Variants in KIF7 observed in about 807,000 individuals in gnomAD.
KIF7 encodes kinesin family member 7, also known as kinesin-like protein KIF7.
In KIF7, 104 loss-of-function variants were observed where a neutral mutation model predicts 135.7. The observed-to-expected ratio is 0.77, with a 90% CI of 0.65 to 0.90. The LOEUF (loss-of-function observed/expected upper bound fraction) is 0.90, where lower values mean the gene tolerates loss of function less well. Ranked by LOEUF, KIF7 falls within the 40% of genes least tolerant of loss-of-function variation. The pLI, the probability that KIF7 is intolerant of heterozygous loss-of-function variation, is 0.00. For synonymous variants in KIF7, 883 were observed against 809.4 expected (o/e 1.09, Z -1.54); for missense variants, 2,005 against 1,839.1 (o/e 1.09, Z -1.65).
At chr15:89,630,920 A>G in intron 15 of KIF7, 1 of 324,738 alleles carries the variant, frequency 3.1e-6, no homozygotes, top group Non-Finnish European at 6.0e-6. Flanking sequence ...GGTATAGCCC[A>G]CCACACACCT....
rs1433634692 is a variant in KIF7 at position 89,633,833 on chromosome 15, G to A, written c.2445C>T (p.Ala815=). ...QATERLVSLS[A]QSEKRLQELE... is the part of the protein sequence containing the mutation. ...GCTCCTGCAGTCGCTTCTCACTCTG[G>A]GCCGACAGTGACACCAGCCGCTCCG... is the stretch of plus-strand genomic sequence containing the variant. The change falls in exon 12 of 19, where the codon GCC becomes GCT. Residue 815 remains alanine (A), a synonymous_variant. Coordinates refer to ENST00000394412, the MANE Select transcript of KIF7 (RefSeq NM_198525.3). 2 of 1,613,328 alleles carry A rather than the reference G, an allele frequency of 1.2e-6. No individual in the cohort carries two copies. Among genetic ancestry groups the A allele is most frequent in the Non-Finnish European group, 1.7e-6 (2 of 1,180,040 alleles).
chr15:89,645,490 C>T (rs776594454), intron 8 of KIF7, 39 bp from the exon 9 acceptor site: 9 of 1,525,414 alleles, frequency 5.9e-6, no homozygotes, highest in African/African-American at 2.7e-5. Flanking sequence ...CCTCCCCAGC[C>T]CCTGCCCCAG....
At chr15:89,637,332 A>G (rs1211674394) in intron 11 of KIF7, among the ~76,000 whole-genome samples, 2 of 147,154 alleles carry the variant, frequency 1.4e-5, no homozygotes, top group African/African-American at 5.0e-5. Flanking sequence ...CTAAAATCAG[A>G]GCAGAACTGA....
At position 89,631,544 on chromosome 15, in the gene KIF7, C is replaced by T. The variant is rs1416932636; in HGVS notation, c.3062G>A (p.Arg1021His). 7.6e-6 allele frequency: 12 copies of T among 1,582,968 alleles called. No individual in the cohort carries two copies. Among genetic ancestry groups the T allele is most frequent in the South Asian group, 2.3e-5 (2 of 86,954 alleles). Reference protein sequence around the residue: ...RQEKDSLLKQRLEIDGKLRQG... With the variant: ...RQEKDSLLKQHLEIDGKLRQG... Reference sequence around the variant, plus strand: ...CCTCAGCTTGCCGTCGATCTCCAGGCGCTGCTTGAGCAGCGAGTCCTTCTC... The same window carrying T: ...CCTCAGCTTGCCGTCGATCTCCAGGTGCTGCTTGAGCAGCGAGTCCTTCTC... Residue 1021 changes from arginine to histidine, a missense_variant, in exon 15 of 19, where the codon CGC becomes CAC. Arg to His is a conservative substitution (Grantham distance 29, BLOSUM62 0). Coordinates refer to ENST00000394412, the MANE Select transcript of KIF7 (RefSeq NM_198525.3).
chr15:89,649,912 C>A lies in KIF7; in HGVS notation c.358G>T (p.Val120Phe), dbSNP rs1964096855. The A allele has an allele frequency of 1.9e-6, 3 of 1,551,490 alleles. No individual in the cohort carries two copies. The highest frequency in any genetic ancestry group is 2.4e-5 in the South Asian group (2 of 84,072). The stretch of plus-strand genomic sequence containing the variant: ...AAGGCCTCGGCCATGGCCCTCGGGA[C>A]AATGCCCTGCTCATCCTCAAGGAGG... ...ASLLEDEQGI[V>F]PRAMAEAFKL... Residue 120 changes from valine to phenylalanine, a missense_variant, in exon 3 of 19, where the codon GTC becomes TTC. Val to Phe is a conservative substitution (Grantham distance 50, BLOSUM62 -1). Transcript: ENST00000394412.
In KIF7 at chr15:89,648,295, G is replaced by C; in HGVS notation, c.1403C>G (p.Ser468Cys). The C allele has an allele frequency of 6.6e-7, 1 of 1,520,056 alleles. No individual in the cohort carries two copies. Among genetic ancestry groups the C allele is most frequent in the Non-Finnish European group, 8.8e-7 (1 of 1,137,996 alleles). 94.2% of individuals were successfully genotyped at this position (1,520,056 alleles called of 1,614,324 possible). The change falls in exon 5 of 19, where the codon TCC (serine) becomes TGC (cysteine). Residue 468 changes from serine to cysteine, a missense_variant. Transcript: ENST00000394412. The stretch of plus-strand genomic sequence containing the variant: ...CCCCTGCGCCGCCTGGTCCTCGACG[G>C]AGGCGCTCTCGATGCCGCTATCGGG... ...SGPDSGIESA[S>C]VEDQAAQGAG...
chr15:89,627,054 A>C (rs183963798), downstream of KIF7: 165 of 1,614,182 alleles, frequency 1.0e-4, no homozygotes, highest in Admixed American at 1.2e-4. Flanking sequence ...TACACGGAAG[A>C]AGCTCATGGG....
chr15:89,658,750 G>C (rs1964230228), upstream of KIF7, among the ~76,000 whole-genome samples: 2 of 151,402 alleles, frequency 1.3e-5, no homozygotes, highest in South Asian at 4.2e-4. Flanking sequence ...TGTAGTCCCA[G>C]CTACCCTGGA....
rs1002040263 is a variant in KIF7, at chr15:89,632,855, T to A, written c.2860A>T (p.Thr954Ser). 12 of 1,609,056 alleles carry A rather than the reference T, an allele frequency of 7.5e-6. No individual in the cohort carries two copies. The highest frequency in any genetic ancestry group is 2.7e-5 in the African/African-American group (2 of 74,890). Residue 954 changes from threonine to serine, a missense_variant, in exon 14 of 19, where the codon ACG becomes TCG. Transcript: ENST00000394412. ...CTCAGGCGCTTGCTCTCCAGCCCCG[T>A]CTTCTCCTGCATCAGGGCCTCCTTC... ...AKKEALMQEK[T>S]GLESKRLRSS...
intron 2 of KIF7, 63 bp from the exon 3 acceptor site, chr15:89,650,004 C>G: frequency 6.7e-7 from 1 of 1,501,868 alleles, no homozygotes; most frequent in South Asian, 1.2e-5. Context: ...CCCCCAGGCC[C>G]GGAAGCTCAT....
chr15:89,621,304 A>C lies in KIF7; in HGVS notation c.181-3109T>G, dbSNP rs571965877. The C allele has an allele frequency of 4.5e-4, 618 of 1,371,074 alleles. 1 individual carries two copies. The African/African-American group carries it at 7.6e-3, about 17-fold the overall frequency. 84.9% of individuals were successfully genotyped at this position (1,371,074 alleles called of 1,614,324 possible). ...CCAAAGTGCTGGGATTACAGGCGTG[A>C]GCCACCATGCGTGGCTGGCTGTTTT... On this transcript the variant is annotated intron_variant and NMD_transcript_variant, in intron 1 of 2. Transcript: ENST00000558928.
chr15:89,659,453 GAGAA>G (rs1461764387), upstream of KIF7, among the ~76,000 whole-genome samples: 4 of 143,456 alleles, frequency 2.8e-5, no homozygotes, highest in Non-Finnish European at 6.0e-5. Context: ...GAAAGAGAGA[GAGAA>G]AGAAAGAAAA....
Position 89,652,736 on chromosome 15 carries a change from C to G in KIF7, c.195G>C (p.Ala65=), listed in dbSNP as rs8179066. The G allele has an allele frequency of 0.9, 1,403,319 of 1,551,594 alleles. 636,685 individuals carry two copies. The highest frequency in any genetic ancestry group is 0.96 in the African/African-American group (70,336 of 73,190). Residue 65 remains alanine, a synonymous_variant, in exon 2 of 19, where the codon GCG becomes GCC. Coordinates refer to ENST00000394412, the MANE Select transcript of KIF7 (RefSeq NM_198525.3). ...AGGCCTGGTACACGGCCTCCTGCCCCGCATCCTCGGCCAGCACCACGTGGA... is the reference window on the plus strand; with the variant it reads ...AGGCCTGGTACACGGCCTCCTGCCCGGCATCCTCGGCCAGCACCACGTGGA... The part of the protein sequence containing the change: ...FGFHVVLAED[A]GQEAVYQACV...
intron 11 of KIF7, among the ~76,000 whole-genome samples, chr15:89,639,496 C>A (rs1396547654): frequency 7.9e-6 from 1 of 127,100 alleles, no homozygotes; most frequent in African/African-American, 3.0e-5. Flanking sequence ...TGAACAGACA[C>A]TTCTCAAAAG....
At chr15:89,650,455 G>A (rs12595712) in intron 2 of KIF7, among the ~76,000 whole-genome samples, 38,025 of 152,054 alleles carry the variant, frequency 0.25, 5,621 homozygotes, top group East Asian at 0.34. Flanking sequence ...GGGCAGTGGC[G>A]TGATCTCGGC....
In KIF7 at chr15:89,652,613, C is replaced by A; in HGVS notation, c.318G>T (p.Glu106Asp). Residue 106 changes from glutamate to aspartate, a missense_variant, in exon 2 of 19, where the codon GAG becomes GAT. Physicochemically the swap from Glu to Asp is conservative, Grantham distance 45 (BLOSUM62 2). Coordinates refer to ENST00000394412, the MANE Select transcript of KIF7 (RefSeq NM_198525.3). Reference sequence around the variant, plus strand: ...AACAGGGTCACTCACCCACACTGGCCTCCCCCATGGTGTATGTCTTCCCTG... The same window carrying A: ...AACAGGGTCACTCACCCACACTGGCATCCCCCATGGTGTATGTCTTCCCTG... ...TGSGKTYTMGEASVASLLEDE... is the reference protein window; with the variant it reads ...TGSGKTYTMGDASVASLLEDE... The A allele has an allele frequency of 6.6e-7, 1 of 1,525,792 alleles. No individual in the cohort carries two copies. The highest frequency in any genetic ancestry group is 2.5e-5 in the East Asian group (1 of 40,408). The allele number at this position is 1,525,792 out of a possible 1,614,324, so 94.5% of individuals were successfully genotyped here. A position where few individuals can be genotyped will look rare whatever the true frequency, so the allele number is the denominator to read the frequency against.
chr15:89,631,153 T>G (rs1269473619), intron 15 of KIF7: 1 of 314,664 alleles, frequency 3.2e-6, no homozygotes, highest in Non-Finnish European at 6.0e-6. Context: ...CACAGATGTG[T>G]GGGCATGAGG....
chr15:89,653,772 G>C (rs1567070231), intron 1 of KIF7, among the ~76,000 whole-genome samples: 1 of 67,106 alleles, frequency 1.5e-5, no homozygotes, highest in Non-Finnish European at 3.8e-5. Context: ...ATTAGTATTA[G>C]TATTAGTATT....
the KIF7 span, among the ~76,000 whole-genome samples, chr15:89,662,663 T>C: frequency 7.1e-4 from 108 of 152,272 alleles, no homozygotes; most frequent in African/African-American, 2.5e-3. Context: ...GGCAACCCGA[T>C]GTGAAGTGGA....
Sources: gnomAD v4.1 joint callset for allele counts (sites outside exome capture counted in the v4.1 genomes callset) on GRCh38, gnomAD v4.1.1 for gene constraint, MANE v1.5 for transcripts, NCBI Gene and HGNC (gene_info 2026-07-23, HGNC 2026-07-21) for gene names.